The following TCF20 variants were observed in gnomAD, a reference collection of about 807,000 sequenced individuals.
TCF20 encodes SPRE-binding protein.
In TCF20, 3 loss-of-function variants were observed where a neutral mutation model predicts 148.6. The ratio of observed to expected loss-of-function variants is 0.02; its 90% CI spans 0.01 to 0.05. TCF20 has a LOEUF of 0.05. TCF20 is among the 10% of genes least tolerant of loss of function. The probability of loss-of-function intolerance (pLI) is 1.00; values close to 1 mark genes in which losing one functional copy is unlikely to be tolerated. For missense variants in TCF20, 2,350 were observed against 2,429.3 expected (o/e 0.97, Z 0.69); for synonymous variants, 1,049 against 909.5 (o/e 1.15, Z -2.76).
At chr22:42,167,058 C>T (rs1294737712) in intron 5 of TCF20, among the ~76,000 whole-genome samples, 3 of 152,194 alleles carry the variant, frequency 2.0e-5, no homozygotes, top group Non-Finnish European at 4.4e-5. Context: ...AACCAGCAGC[C>T]ACTCGCTGAT....
chr22:42,300,023 G>T (rs560358164), intron 1 of TCF20, among the ~76,000 whole-genome samples: 1 of 152,032 alleles, frequency 6.6e-6, no homozygotes. Flanking sequence ...TTCCCCAGCC[G>T]CAAAGCAGTC....
intron 1 of TCF20, among the ~76,000 whole-genome samples, chr22:42,244,928 C>T (rs1192178973): frequency 6.6e-6 from 1 of 151,528 alleles, no homozygotes; most frequent in Non-Finnish European, 1.5e-5. Context: ...AAAAAAAATA[C>T]CAAAATCAGC....
chr22:42,227,766 C>T (rs938060211), intron 1 of TCF20, among the ~76,000 whole-genome samples: 5 of 152,156 alleles, frequency 3.3e-5, no homozygotes, highest in African/African-American at 9.7e-5. Context: ...TCCTCGTGAC[C>T]AGACTCAGGT....
chr22:42,174,521 G>A (rs1936320514), intron 3 of TCF20, among the ~76,000 whole-genome samples: 1 of 152,118 alleles, frequency 6.6e-6, no homozygotes, highest in Non-Finnish European at 1.5e-5. Context: ...ACCCAGCTGC[G>A]AACTGGGAGA....
intron 1 of TCF20, among the ~76,000 whole-genome samples, chr22:42,227,931 C>A (rs923817393): frequency 6.6e-6 from 1 of 152,222 alleles, no homozygotes; most frequent in African/African-American, 2.4e-5. Context: ...TCAGGCCCCA[C>A]AGACCTACAG....
chr22:42,233,012 C>T (rs1923571142), intron 1 of TCF20, among the ~76,000 whole-genome samples: 1 of 152,028 alleles, frequency 6.6e-6, no homozygotes. Context: ...CCTCTGCCTC[C>T]CTGGTTCAAG....
intron 1 of TCF20, 61 bp from the exon 2 acceptor site, chr22:42,215,402 T>C (rs1244807848): frequency 2.0e-6 from 3 of 1,496,142 alleles, no homozygotes; most frequent in Non-Finnish European, 2.7e-6. Context: ...TAAAATCAAG[T>C]CTAGATGATG....
intron 1 of TCF20, among the ~76,000 whole-genome samples, chr22:42,260,313 C>T (rs966438775): frequency 6.6e-6 from 1 of 152,140 alleles, no homozygotes; most frequent in Non-Finnish European, 1.5e-5. Flanking sequence ...TTAGATATGA[C>T]CCTGTTGGCC....
chr22:42,318,634 G>T (rs143322442), intron 1 of TCF20, among the ~76,000 whole-genome samples: 2,527 of 152,260 alleles, frequency 0.017, 41 homozygotes, highest in Non-Finnish European at 0.025. Context: ...GCCCAGCCAA[G>T]CCTTCATCAG....
At chr22:42,241,184 T>C (rs922397142) in intron 1 of TCF20, among the ~76,000 whole-genome samples, 2 of 152,166 alleles carry the variant, frequency 1.3e-5, no homozygotes, top group African/African-American at 2.4e-5. Context: ...ATGATCCTCG[T>C]TGGCTAGTGC....
intron 1 of TCF20, among the ~76,000 whole-genome samples, chr22:42,247,738 A>G (rs1200165413): frequency 6.6e-6 from 1 of 152,174 alleles, no homozygotes; most frequent in Non-Finnish European, 1.5e-5. Flanking sequence ...AAAGGTTACT[A>G]TTCACGAAGC....
At position 42,209,573 on chromosome 22, in the gene TCF20, T is replaced by C. The variant is rs1446853478; in HGVS notation, c.5655+78A>G. On this transcript the variant is annotated intron_variant, in intron 2 of 5. Coordinates refer to ENST00000677622, the MANE Select transcript of TCF20 (RefSeq NM_001378418.1). ...AATTTGGAGGAATAATCATGTGACA[T>C]GTAAGAACAAAAACATGCAAGAAAA... 6.1e-6 allele frequency: 9 copies of C among 1,473,982 alleles called. No homozygotes were observed. The East Asian group carries it at 6.8e-5, about 11-fold the overall frequency. The allele number at this position is 1,473,982 out of a possible 1,614,324, so 91.3% of individuals were successfully genotyped here. A position where few individuals can be genotyped will look rare whatever the true frequency, so the allele number is the denominator to read the frequency against.
chr22:42,201,699 C>T (rs188840792), intron 2 of TCF20, among the ~76,000 whole-genome samples: 18 of 151,770 alleles, frequency 1.2e-4, no homozygotes, highest in Admixed American at 4.6e-4. Context: ...ACCTGGGAGG[C>T]GAAGGTTTCA....
chr22:42,251,492 CTTTTT>C (rs71184878), intron 1 of TCF20, among the ~76,000 whole-genome samples: 695 of 46,934 alleles, frequency 0.015, 1 homozygote, highest in Non-Finnish European at 0.02. Flanking sequence ...AAACAAGTGT[CTTTTT>C]TTTTTTTTTT....
chr22:42,202,374 C>A (rs1938090214), intron 2 of TCF20, among the ~76,000 whole-genome samples: 1 of 152,226 alleles, frequency 6.6e-6, no homozygotes, highest in African/African-American at 2.4e-5. Context: ...TAACATACCT[C>A]TTTACTGTAG....
rs944187302 is a variant in TCF20 at position 42,219,303 on chromosome 22, C to T, written c.-36-3962G>A. ...TGAACTCAGGAGTTCGAGGCTGCAA[C>T]GAGCTATGAATGTGCCAATGTGCTC... On this transcript the variant is annotated intron_variant, in intron 1 of 5. Transcript: ENST00000677622. Among the ~76,000 whole-genome samples the T allele has an allele frequency of 3.8e-5, 5 of 130,346 alleles. No homozygotes were observed. In the South Asian group the frequency reaches 9.9e-4, roughly 26 times the overall value. The allele number at this position is 130,346 out of a possible 152,430, so 85.5% of individuals were successfully genotyped here.
chr22:42,194,932 A>G (rs1937517022), intron 2 of TCF20, among the ~76,000 whole-genome samples: 1 of 151,558 alleles, frequency 6.6e-6, no homozygotes, highest in Non-Finnish European at 1.5e-5. Flanking sequence ...TCCATAGACC[A>G]TGCCTCCCAG....
chr22:42,205,780 A>T (rs1938344526), intron 2 of TCF20, among the ~76,000 whole-genome samples: 1 of 151,858 alleles, frequency 6.6e-6, no homozygotes, highest in Non-Finnish European at 1.5e-5. Flanking sequence ...CTTTTTTCTT[A>T]TTTTTTTTAG....
chr22:42,333,536 C>T (rs1394091705), intron 1 of TCF20, among the ~76,000 whole-genome samples: 1 of 152,252 alleles, frequency 6.6e-6, no homozygotes, highest in Non-Finnish European at 1.5e-5. Flanking sequence ...CCTTGGCCCT[C>T]TTTGAGCCTC....
Sources: gnomAD v4.1 joint callset for allele counts (sites outside exome capture counted in the v4.1 genomes callset) on GRCh38, gnomAD v4.1.1 for gene constraint, MANE v1.5 for transcripts, NCBI Gene and HGNC (gene_info 2026-07-23, HGNC 2026-07-21) for gene names.